Variants in SV2B observed in about 807,000 individuals in gnomAD.
SV2B encodes the protein solute carrier family 22 member B2.
A neutral mutation model predicts 73.9 loss-of-function variants in SV2B; 41 were observed. That is an observed-to-expected ratio of 0.56 (90% CI 0.43 to 0.72). The LOEUF is 0.72. Ranked by LOEUF, SV2B falls within the 30% of genes least tolerant of loss-of-function variation. The probability of loss-of-function intolerance (pLI) is 0.00; values close to 1 mark genes in which losing one functional copy is unlikely to be tolerated. For missense variants in SV2B, 764 were observed against 857.8 expected (o/e 0.89, Z 1.37); for synonymous variants, 314 against 314.2 (o/e 1.00, Z 0.01).
At position 91,298,576 on chromosome 15, in the gene SV2B, T is replaced by G. The variant is rs2049330620; in HGVS notation, c.*6024T>G. ...GCTAATTACAGAATGAGCAAGAGAT[T>G]TATTTAGCAGGACCATACTATGCCC... On this transcript the variant is annotated 3_prime_UTR_variant, in exon 13 of 13. Transcript: ENST00000394232. This position sits in a 1 kb window ranked among gnomAD's most constrained non-coding sequence, Gnocchi z 5.4. 6.6e-6 allele frequency: 1 copy of G among 152,162 alleles called. No homozygotes were observed. Among genetic ancestry groups the G allele is most frequent in the South Asian group, 2.1e-4 (1 of 4,828 alleles). 9.4% of individuals were successfully genotyped at this position (152,162 alleles called of 1,614,324 possible). A position where few individuals can be genotyped will look rare whatever the true frequency, so the allele number is the denominator to read the frequency against.
chr15:91,144,295 C>T (rs538341401), intron 1 of SV2B, among the ~76,000 whole-genome samples: 1 of 152,222 alleles, frequency 6.6e-6, no homozygotes, highest in Admixed American at 6.5e-5. Flanking sequence ...TATACTTCTC[C>T]TTGGTGTGCT....
Position 91,280,458 on chromosome 15 carries a change from C to CTATACTCAT in SV2B, c.1374-1270_1374-1269insTATACTCAT. On this transcript the variant is annotated intron_variant, in intron 9 of 12. Transcript: ENST00000394232. The surrounding 1 kb of genome is among the most constrained non-coding windows in gnomAD (Gnocchi z 5.8). ...TACTCATAGCACCTAGTACCATGCT[C>CTATACTCAT]AGTGTTTGCAGAAGACTAAATATGT... Among the ~76,000 whole-genome samples the CTATACTCAT allele has an allele frequency of 6.6e-6, 1 of 152,282 alleles. No homozygotes were observed. Among genetic ancestry groups the CTATACTCAT allele is most frequent in the Admixed American group, 6.5e-5 (1 of 15,300 alleles).
rs140986947 is a variant in SV2B, at chr15:91,231,572, G to GT, written c.451+4859dup. 0.02 allele frequency among the ~76,000 whole-genome samples: 2,986 copies of GT among 152,268 alleles called. 35 individuals are homozygous for GT. The highest frequency in any genetic ancestry group is 0.048 in the Middle Eastern group (14 of 294). On this transcript the variant is annotated intron_variant, in intron 2 of 12. Coordinates refer to ENST00000394232, the MANE Select transcript of SV2B (RefSeq NM_001323032.3). The surrounding 1 kb of genome is among the most constrained non-coding windows in gnomAD (Gnocchi z 4.5). ...TATAGGATGACAATATTGGCGACACGTAAGGCAAACCAACCCCATCCTTTT... is the reference window on the plus strand; with the variant it reads ...TATAGGATGACAATATTGGCGACACGTTAAGGCAAACCAACCCCATCCTTTT...
chr15:91,184,331 A>G (rs1013579011), intron 1 of SV2B, among the ~76,000 whole-genome samples: 2 of 152,316 alleles, frequency 1.3e-5, no homozygotes, highest in South Asian at 4.1e-4. Context: ...ACCTCTATTT[A>G]CCAGATTTTG....
At chr15:91,237,736 C>T (rs758095549) in intron 2 of SV2B, among the ~76,000 whole-genome samples, 16 of 151,522 alleles carry the variant, frequency 1.1e-4, no homozygotes, top group African/African-American at 2.4e-4. Context: ...TTTTGCTTAT[C>T]GAGCTGTATT....
intron 1 of SV2B, among the ~76,000 whole-genome samples, chr15:91,135,212 G>C (rs887955703): frequency 3.9e-5 from 6 of 152,080 alleles, no homozygotes; most frequent in Admixed American, 3.9e-4. Flanking sequence ...CCCTTGAGAG[G>C]CCACAAACCA....
rs1222375384 is a variant in SV2B, at chr15:91,226,116, A to G, written c.-148A>G. The G allele has an allele frequency of 9.6e-6, 7 of 730,330 alleles. No homozygotes were observed. The highest frequency in any genetic ancestry group is 7.9e-5 in the South Asian group (4 of 50,712). The allele number at this position is 730,330 out of a possible 1,614,324, so 45.2% of individuals were successfully genotyped here. A position where few individuals can be genotyped will look rare whatever the true frequency, so the allele number is the denominator to read the frequency against. ...GATTTGAGAGATAAAGGGGGGGGGA[A>G]CCAGTGTGACTTTCACCTAAGAAGT... On this transcript the variant is annotated 5_prime_UTR_variant, in exon 2 of 13. Transcript: ENST00000394232.
At chr15:91,168,416 C>T (rs891678349) in intron 1 of SV2B, among the ~76,000 whole-genome samples, 18 of 152,072 alleles carry the variant, frequency 1.2e-4, no homozygotes, top group Non-Finnish European at 2.1e-4. Flanking sequence ...TGTGGGTGCC[C>T]TTGTGGCTGG....
rs570916460 is a variant in SV2B at position 91,224,588 on chromosome 15, C to G, written c.-391-1285C>G. Among the ~76,000 whole-genome samples the G allele has an allele frequency of 1.3e-5, 2 of 152,212 alleles. No individual in the cohort carries two copies. Among genetic ancestry groups the G allele is most frequent in the African/African-American group, 4.8e-5 (2 of 41,526 alleles). On this transcript the variant is annotated intron_variant, in intron 1 of 12. Transcript: ENST00000394232. This position sits in a 1 kb window ranked among gnomAD's most constrained non-coding sequence, Gnocchi z 4.9. ...CAGGTGATTTAATGTGACAGTCCCT[C>G]GGGGTAGCATCTGGGAAGTATGAGG...
intron 1 of SV2B, among the ~76,000 whole-genome samples, chr15:91,177,468 T>C (rs2044360086): frequency 6.6e-6 from 1 of 151,546 alleles, no homozygotes; most frequent in Admixed American, 6.6e-5. Context: ...ATTGAATCTA[T>C]AAATTACCTT....
intron 1 of SV2B, among the ~76,000 whole-genome samples, chr15:91,169,767 G>A (rs958792917): frequency 2.6e-5 from 4 of 152,176 alleles, no homozygotes; most frequent in Non-Finnish European, 5.9e-5. Context: ...AAGGGTGTGG[G>A]GCTACTTTAG....
chr15:91,130,293 T>C lies in SV2B; in HGVS notation c.-392+29930T>C, dbSNP rs1300332947. The stretch of plus-strand genomic sequence containing the variant: ...TGTTGGAGGAATACTGAATTCCATA[T>C]TGGGCTCTCTTGAGTGAACAGGCTC... On this transcript the variant is annotated intron_variant, in intron 1 of 12. Transcript: ENST00000394232. This position sits in a 1 kb window ranked among gnomAD's most constrained non-coding sequence, Gnocchi z 5.6. Among the ~76,000 whole-genome samples, 1 of 152,134 alleles carries C rather than the reference T, an allele frequency of 6.6e-6. No individual in the cohort carries two copies. The highest frequency in any genetic ancestry group is 1.5e-5 in the Non-Finnish European group (1 of 68,020).
chr15:91,153,850 C>T (rs2043397349), intron 1 of SV2B, among the ~76,000 whole-genome samples: 1 of 152,016 alleles, frequency 6.6e-6, no homozygotes, highest in Non-Finnish European at 1.5e-5. Flanking sequence ...ACAACATCTG[C>T]CAAGAGTCAA....
intron 1 of SV2B, among the ~76,000 whole-genome samples, chr15:91,111,517 G>A (rs1203189026): frequency 6.6e-6 from 1 of 152,184 alleles, no homozygotes; most frequent in Non-Finnish European, 1.5e-5. Context: ...GAAAGAAGAC[G>A]GGGGGCCAGG....
At chr15:91,211,018 A>G (rs1041871001) in intron 1 of SV2B, among the ~76,000 whole-genome samples, 2 of 152,250 alleles carry the variant, frequency 1.3e-5, no homozygotes, top group Non-Finnish European at 2.9e-5. Context: ...AAGACAGTGA[A>G]GTAAGGCCAC....
chr15:91,291,513 T>C (rs1596807943), intron 12 of SV2B, among the ~76,000 whole-genome samples: 1 of 152,052 alleles, frequency 6.6e-6, no homozygotes, highest in African/African-American at 2.4e-5. Context: ...ACAGATGGGG[T>C]CATGAAAGAA....
At chr15:91,195,834 T>G (rs139219382) in intron 1 of SV2B, among the ~76,000 whole-genome samples, 2,028 of 152,326 alleles carry the variant, frequency 0.013, 52 homozygotes, top group African/African-American at 0.045. Context: ...TAGCAAGTCC[T>G]ACATGAAGCT....
chr15:91,277,055 C>T (rs1162443484), intron 9 of SV2B, among the ~76,000 whole-genome samples: 3 of 152,138 alleles, frequency 2.0e-5, no homozygotes, highest in East Asian at 3.8e-4. Context: ...TTCCCGACAT[C>T]AGGTGATCTG....
rs1345425180 is a variant in SV2B at position 91,261,381 on chromosome 15, A to G, written c.1008+972A>G. Among the ~76,000 whole-genome samples, 1 of 152,194 alleles carries G rather than the reference A, an allele frequency of 6.6e-6. No homozygotes were observed. Among genetic ancestry groups the G allele is most frequent in the Non-Finnish European group, 1.5e-5 (1 of 68,034 alleles). On this transcript the variant is annotated intron_variant, in intron 6 of 12. Coordinates refer to ENST00000394232, the MANE Select transcript of SV2B (RefSeq NM_001323032.3). This position sits in a 1 kb window ranked among gnomAD's most constrained non-coding sequence, Gnocchi z 4.7. Reference sequence around the variant, plus strand: ...ATTATTGTTTTATATGCTGTCTCCTAGTATTCATAATCATCATTTTAATAA... The same window carrying G: ...ATTATTGTTTTATATGCTGTCTCCTGGTATTCATAATCATCATTTTAATAA...
Sources: gnomAD v4.1 joint callset for allele counts (sites outside exome capture counted in the v4.1 genomes callset) on GRCh38, gnomAD v4.1.1 for gene constraint, Gnocchi (gnomAD v3.1) non-coding constraint, MANE v1.5 for transcripts, NCBI Gene and HGNC (gene_info 2026-07-23, HGNC 2026-07-21) for gene names.